DENND1A: variants seen among roughly 807,000 people sequenced by gnomAD.
The protein encoded by DENND1A is DENN domain-containing protein 1A.
DENND1A carries 51 observed loss-of-function variants against 113.7 expected under a neutral mutation model. The ratio of observed to expected loss-of-function variants is 0.45; its 90% CI spans 0.36 to 0.57. DENND1A has a LOEUF of 0.57. Ranked by LOEUF, DENND1A falls within the 20% of genes least tolerant of loss-of-function variation. The pLI, the probability that DENND1A is intolerant of heterozygous loss-of-function variation, is 0.00. For synonymous variants in DENND1A, 565 were observed against 570.8 expected, an observed-to-expected ratio of 0.99 and a Z score of 0.14; for missense variants, 1,258 against 1,395.9, an observed-to-expected ratio of 0.90 and a Z score of 1.57.
At chr9:123,880,065 T>G (rs1848098577) in intron 1 of DENND1A, among the ~76,000 whole-genome samples, 1 of 152,228 alleles carries the variant, frequency 6.6e-6, no homozygotes, top group South Asian at 2.1e-4. Context: ...CAGGCTGAAG[T>G]GCAGTGGCAC....
At chr9:123,679,297 A>T (rs1589637756) in intron 5 of DENND1A, among the ~76,000 whole-genome samples, 3 of 152,176 alleles carry the variant, frequency 2.0e-5, no homozygotes, top group Admixed American at 1.3e-4. Context: ...TGGGCACAGA[A>T]GCTCCAGCCT....
intron 18 of DENND1A, among the ~76,000 whole-genome samples, chr9:123,440,944 A>G (rs1206368244): frequency 6.6e-6 from 1 of 152,210 alleles, no homozygotes; most frequent in Non-Finnish European, 1.5e-5. Flanking sequence ...TTGAGCGGAT[A>G]TACAATAATT....
At chr9:123,897,083 A>C (rs1850874472) in intron 1 of DENND1A, among the ~76,000 whole-genome samples, 1 of 152,218 alleles carries the variant, frequency 6.6e-6, no homozygotes, top group African/African-American at 2.4e-5. Context: ...GAAATCTAGA[A>C]GTTCTGGCTC....
intron 1 of DENND1A, among the ~76,000 whole-genome samples, chr9:123,924,994 A>G (rs544837178): frequency 6.6e-6 from 1 of 152,286 alleles, no homozygotes; most frequent in African/African-American, 2.4e-5. Flanking sequence ...TCGCCACTCT[A>G]TCTAAAATAG....
At chr9:123,599,474 A>C (rs1413475024) in intron 11 of DENND1A, among the ~76,000 whole-genome samples, 1 of 152,188 alleles carries the variant, frequency 6.6e-6, no homozygotes, top group African/African-American at 2.4e-5. Flanking sequence ...TTTTATTCAT[A>C]ATAATAGCTA....
chr9:123,443,959 G>GA (rs1438249514), intron 18 of DENND1A, among the ~76,000 whole-genome samples: 40 of 149,012 alleles, frequency 2.7e-4, no homozygotes, highest in South Asian at 1.5e-3. Context: ...CCTGTCTCAA[G>GA]AAAAAAATAA....
chr9:123,637,766 T>TTGCTTTTCTTAGCAGCTGAAATGCAGGGC (rs2061780601), intron 9 of DENND1A, among the ~76,000 whole-genome samples: 1 of 152,174 alleles, frequency 6.6e-6, no homozygotes, highest in Non-Finnish European at 1.5e-5. Context: ...AAACAGTGTC[T>TTGCTTTTCTTAGCAGCTGAAATGCAGGGC]TGCTTTTCTT....
At chr9:123,609,321 C>G (rs550463236) in intron 11 of DENND1A, 115 bp downstream of exon 11, 2 of 1,145,852 alleles carry the variant, frequency 1.7e-6, no homozygotes, top group Admixed American at 4.4e-5. Context: ...GGAGGTGCTG[C>G]TTCAGCATGC....
At chr9:123,925,061 T>C (rs990232267) in intron 1 of DENND1A, among the ~76,000 whole-genome samples, 1 of 152,180 alleles carries the variant, frequency 6.6e-6, no homozygotes, top group Non-Finnish European at 1.5e-5. Flanking sequence ...TTATAGAACA[T>C]CCACATAGCT....
intron 13 of DENND1A, among the ~76,000 whole-genome samples, chr9:123,498,579 T>G (rs944169419): frequency 2.0e-5 from 3 of 152,210 alleles, no homozygotes; most frequent in African/African-American, 7.2e-5. Context: ...CAACTACCAT[T>G]AAAGCCAAAC....
chr9:123,642,664 GCA>G lies in DENND1A; in HGVS notation c.618+9347_618+9348del, dbSNP rs560469275. Among the ~76,000 whole-genome samples, 55 of 152,328 alleles carry G rather than the reference GCA, an allele frequency of 3.6e-4. 1 individual carries two copies. In the East Asian group the frequency reaches 9.3e-3, roughly 26 times the overall value. ...GTTACAAGGTCTTGGCTTCCCTTGA[GCA>G]CAGTTTGAAACAAAATAATGCAGTT... On this transcript the variant is annotated intron_variant, in intron 9 of 23. Transcript: ENST00000394215.
chr9:123,472,127 G>A (rs1050173233), intron 13 of DENND1A, among the ~76,000 whole-genome samples: 2 of 152,204 alleles, frequency 1.3e-5, no homozygotes, highest in Non-Finnish European at 2.9e-5. Context: ...GGAGATCAAC[G>A]TCCTTTGTGG....
intron 22 of DENND1A, among the ~76,000 whole-genome samples, chr9:123,384,733 A>C (rs1201156185): frequency 2.0e-5 from 3 of 152,170 alleles, no homozygotes; most frequent in African/African-American, 7.2e-5. Context: ...GGATCACTTG[A>C]GTTCAGGAGT....
At chr9:123,781,259 T>G (rs1432219645) in intron 3 of DENND1A, among the ~76,000 whole-genome samples, 3 of 152,202 alleles carry the variant, frequency 2.0e-5, no homozygotes, top group Non-Finnish European at 2.9e-5. Context: ...ACGATTTCTG[T>G]GTAGTCACAG....
intron 2 of DENND1A, among the ~76,000 whole-genome samples, chr9:123,875,778 T>A (rs1253162992): frequency 6.6e-6 from 1 of 152,050 alleles, no homozygotes; most frequent in Non-Finnish European, 1.5e-5. Context: ...CAAAGCATGG[T>A]CTAGGATGGA....
At chr9:123,883,805 A>C (rs1292554769) in intron 1 of DENND1A, among the ~76,000 whole-genome samples, 1 of 151,132 alleles carries the variant, frequency 6.6e-6, no homozygotes, top group African/African-American at 2.4e-5. Flanking sequence ...TAAGATTCTT[A>C]CTCAGTTCAA....
intron 11 of DENND1A, among the ~76,000 whole-genome samples, chr9:123,605,057 C>T (rs976655467): frequency 6.6e-6 from 1 of 152,158 alleles, no homozygotes; most frequent in Non-Finnish European, 1.5e-5. Context: ...GGTCAATTAC[C>T]TTGCCCACGA....
intron 18 of DENND1A, 58 bp downstream of exon 18, chr9:123,450,635 T>C (rs2047650359): frequency 2.8e-6 from 4 of 1,446,312 alleles, no homozygotes; most frequent in South Asian, 2.4e-5. Context: ...TCATACTTTT[T>C]TGTGGCCATG....
At chr9:123,882,849 G>A (rs1212053059) in intron 1 of DENND1A, among the ~76,000 whole-genome samples, 1 of 152,146 alleles carries the variant, frequency 6.6e-6, no homozygotes, top group African/African-American at 2.4e-5. Flanking sequence ...CTTGAACGTG[G>A]TTAAGATGGG....
Sources: gnomAD v4.1 joint callset for allele counts (sites outside exome capture counted in the v4.1 genomes callset) on GRCh38, gnomAD v4.1.1 for gene constraint, MANE v1.5 for transcripts, NCBI Gene and HGNC (gene_info 2026-07-23, HGNC 2026-07-21) for gene names.